The following SLC9D1 variants were observed in gnomAD, a reference collection of about 807,000 sequenced individuals.
SLC9D1 encodes putative LAG1-interacting protein.
the SLC9D1 span, chr13:113,510,421 G>T: frequency 6.2e-7 from 1 of 1,610,738 alleles, no homozygotes; most frequent in Non-Finnish European, 8.5e-7. Context: ...GGGTGACAAA[G>T]AAGGTAGGTG....
chr13:113,547,439 T>C, the SLC9D1 span: 1 of 1,375,594 alleles, frequency 7.3e-7, no homozygotes, highest in East Asian at 2.3e-5. Context: ...GCCCTCCCTG[T>C]GGCCCTGGTT....
the SLC9D1 span, among the ~76,000 whole-genome samples, chr13:113,493,179 A>C: frequency 6.6e-6 from 1 of 152,254 alleles, no homozygotes; most frequent in Non-Finnish European, 1.5e-5. Context: ...TTTCTCATAA[A>C]AATTATAGCT....
the SLC9D1 span, among the ~76,000 whole-genome samples, chr13:113,538,924 G>A: frequency 6.6e-4 from 100 of 152,332 alleles, no homozygotes; most frequent in Non-Finnish European, 1.2e-3. Flanking sequence ...CTTCTCGCTG[G>A]CTTCGTGCCC....
chr13:113,520,977 A>G, the SLC9D1 span, among the ~76,000 whole-genome samples: 1 of 152,156 alleles, frequency 6.6e-6, no homozygotes, highest in Non-Finnish European at 1.5e-5. Context: ...GGGTGGTAGT[A>G]GTACCCACTG....
At chr13:113,532,599 C>A in the SLC9D1 span, among the ~76,000 whole-genome samples, 3 of 152,246 alleles carry the variant, frequency 2.0e-5, no homozygotes, top group African/African-American at 7.2e-5. Context: ...GCAGGGACCA[C>A]GGTGCTGGGC....
chr13:113,547,858 C>G, the SLC9D1 span, among the ~76,000 whole-genome samples: 3 of 152,064 alleles, frequency 2.0e-5, no homozygotes, highest in South Asian at 6.2e-4. Flanking sequence ...TTTAAGGAGC[C>G]AGAAGCTGTG....
At chr13:113,543,987 C>A in the SLC9D1 span, among the ~76,000 whole-genome samples, 1 of 152,230 alleles carries the variant, frequency 6.6e-6, no homozygotes, top group South Asian at 2.1e-4. Context: ...TATTTTTGTT[C>A]TGGAGTCCAG....
At chr13:113,529,112 A>G in the SLC9D1 span, 1 of 152,248 alleles carries the variant, frequency 6.6e-6, no homozygotes, top group Admixed American at 6.5e-5. Context: ...ATGCTGGCAT[A>G]AGACATTGTC....
At chr13:113,510,158 C>T in the SLC9D1 span, 8 of 1,315,506 alleles carry the variant, frequency 6.1e-6, no homozygotes, top group African/African-American at 1.0e-4. Context: ...TTCCTGGATG[C>T]AGAAATGCGT....
At chr13:113,525,972 G>A in the SLC9D1 span, among the ~76,000 whole-genome samples, 1 of 151,756 alleles carries the variant, frequency 6.6e-6, no homozygotes, top group African/African-American at 2.4e-5. Context: ...GTCGTCGTAG[G>A]AGACGACAGC....
the SLC9D1 span, among the ~76,000 whole-genome samples, chr13:113,517,207 C>T: frequency 6.6e-6 from 1 of 152,250 alleles, no homozygotes; most frequent in South Asian, 2.1e-4. Flanking sequence ...GAGGTTTCCC[C>T]CACAATGTGC....
the SLC9D1 span, among the ~76,000 whole-genome samples, chr13:113,515,045 C>T: frequency 6.6e-6 from 1 of 152,188 alleles, no homozygotes; most frequent in Non-Finnish European, 1.5e-5. Context: ...CCTGATCTAC[C>T]ATTGGCAAGA....
the SLC9D1 span, chr13:113,548,318 C>T: frequency 6.2e-7 from 1 of 1,614,108 alleles, no homozygotes; most frequent in South Asian, 1.1e-5. Flanking sequence ...CCTGGCGGCG[C>T]TGGTCCTGTC....
the SLC9D1 span, among the ~76,000 whole-genome samples, chr13:113,497,567 C>A: frequency 6.8e-6 from 1 of 146,976 alleles, no homozygotes; most frequent in African/African-American, 2.5e-5. Flanking sequence ...CTGTGTGAGA[C>A]CTGCAGCTGT....
At chr13:113,535,584 C>T in the SLC9D1 span, among the ~76,000 whole-genome samples, 1 of 152,250 alleles carries the variant, frequency 6.6e-6, no homozygotes, top group East Asian at 1.9e-4. The surrounding 1 kb of genome is among the most constrained non-coding windows in gnomAD (Gnocchi z 4.1). Flanking sequence ...GTTCAACAAA[C>T]TGAGCTATGT....
the SLC9D1 span, among the ~76,000 whole-genome samples, chr13:113,509,238 TC>T: frequency 1.4e-3 from 111 of 79,398 alleles, no homozygotes; most frequent in Middle Eastern, 0.014. Context: ...GGTGGGTGGG[TC>T]CCCCTGGCGC....
chr13:113,538,644 G>T, the SLC9D1 span, among the ~76,000 whole-genome samples: 1 of 152,240 alleles, frequency 6.6e-6, no homozygotes, highest in Non-Finnish European at 1.5e-5. Context: ...GAATCCTCAG[G>T]ATGTGATGTT....
the SLC9D1 span, among the ~76,000 whole-genome samples, chr13:113,523,164 T>G: frequency 6.6e-6 from 1 of 152,056 alleles, no homozygotes; most frequent in Non-Finnish European, 1.5e-5. Context: ...AAAGTCATAC[T>G]AGGTTCACAA....
chr13:113,497,649 A>AGAGACCTGCAGCTGTGT, the SLC9D1 span, among the ~76,000 whole-genome samples: 1 of 133,506 alleles, frequency 7.5e-6, no homozygotes, highest in Non-Finnish European at 1.6e-5. Context: ...CAGCTGTGTG[A>AGAGACCTGCAGCTGTGT]GAGACCTGCA....
Sources: gnomAD v4.1 joint callset for allele counts (sites outside exome capture counted in the v4.1 genomes callset) on GRCh38, gnomAD v4.1.1 for gene constraint, Gnocchi (gnomAD v3.1) non-coding constraint, MANE v1.5 for transcripts, NCBI Gene and HGNC (gene_info 2026-07-23, HGNC 2026-07-21) for gene names.